The following B3GALT1 variants were observed in gnomAD, a reference collection of about 807,000 sequenced individuals.
The protein encoded by B3GALT1 is beta-1,3-galactosyltransferase 1.
A neutral mutation model predicts 23.2 loss-of-function variants in B3GALT1; 10 were observed. The ratio of observed to expected loss-of-function variants is 0.43; its 90% CI spans 0.27 to 0.73. The LOEUF is 0.73. Ranked by LOEUF, B3GALT1 falls within the 30% of genes least tolerant of loss-of-function variation. The probability of loss-of-function intolerance (pLI) is 0.21; values close to 1 mark genes in which losing one functional copy is unlikely to be tolerated. For synonymous variants in B3GALT1, 156 were observed against 141.5 expected (o/e 1.10, Z -0.73); for missense variants, 299 against 405.4 (o/e 0.74, Z 2.25).
intron 1 of B3GALT1, among the ~76,000 whole-genome samples, chr2:167,488,363 A>C (rs1447378869): frequency 6.6e-6 from 1 of 152,204 alleles, no homozygotes; most frequent in Admixed American, 6.5e-5. Context: ...AACAGACTCT[A>C]ATGTCTGTGA....
chr2:167,762,079 ATATG>A (rs1376113386), intron 3 of B3GALT1, among the ~76,000 whole-genome samples: 2 of 152,216 alleles, frequency 1.3e-5, no homozygotes, highest in Non-Finnish European at 2.9e-5. Flanking sequence ...ATTAAAAAAT[ATATG>A]TAGATAGGGA....
intron 4 of B3GALT1, among the ~76,000 whole-genome samples, chr2:167,838,563 A>C (rs1689548433): frequency 6.6e-6 from 1 of 152,288 alleles, no homozygotes; most frequent in Admixed American, 6.5e-5. Flanking sequence ...AGAGTCCAGG[A>C]CCAGAAGGAT....
intron 2 of B3GALT1, among the ~76,000 whole-genome samples, chr2:167,522,228 C>G (rs572066138): frequency 1.3e-5 from 2 of 151,882 alleles, no homozygotes; most frequent in East Asian, 3.9e-4. Context: ...ATTACTCAGC[C>G]TACTGGAGGC....
chr2:167,556,355 AT>A (rs1683851734), intron 2 of B3GALT1, among the ~76,000 whole-genome samples: 1 of 152,150 alleles, frequency 6.6e-6, no homozygotes, highest in African/African-American at 2.4e-5. Flanking sequence ...CAATACTTTA[AT>A]GTAGAAAATC....
intron 4 of B3GALT1, among the ~76,000 whole-genome samples, chr2:167,857,489 T>G (rs1690020226): frequency 6.6e-6 from 1 of 151,814 alleles, no homozygotes; most frequent in Non-Finnish European, 1.5e-5. Flanking sequence ...AAAAGGAAAT[T>G]GTAAAAGAGG....
intron 1 of B3GALT1, among the ~76,000 whole-genome samples, chr2:167,306,577 T>C (rs1214683401): frequency 6.6e-6 from 1 of 152,058 alleles, no homozygotes; most frequent in Non-Finnish European, 1.5e-5. Context: ...TATTTCTCAC[T>C]ATTCAGTAGT....
At chr2:167,476,326 T>C (rs1699485967) in intron 1 of B3GALT1, among the ~76,000 whole-genome samples, 1 of 152,238 alleles carries the variant, frequency 6.6e-6, no homozygotes. Flanking sequence ...GCTAAAAGTA[T>C]TGAGCATTTG....
chr2:167,501,135 C>A (rs938970183), intron 2 of B3GALT1, among the ~76,000 whole-genome samples: 1 of 151,820 alleles, frequency 6.6e-6, no homozygotes, highest in African/African-American at 2.4e-5. Flanking sequence ...TTTAACTAAC[C>A]GTATAAGATG....
intron 3 of B3GALT1, among the ~76,000 whole-genome samples, chr2:167,705,610 C>T (rs751437874): frequency 5.3e-5 from 8 of 152,180 alleles, no homozygotes; most frequent in Non-Finnish European, 8.8e-5. Context: ...TCCAGTTAAA[C>T]TCTTCATGCC....
chr2:167,658,655 C>T (rs1685999312), intron 3 of B3GALT1, among the ~76,000 whole-genome samples: 1 of 152,028 alleles, frequency 6.6e-6, no homozygotes, highest in African/African-American at 2.4e-5. Context: ...TTTACCAACA[C>T]ATTAATGGAA....
At chr2:167,381,144 T>G (rs1697842038) in intron 1 of B3GALT1, among the ~76,000 whole-genome samples, 1 of 152,178 alleles carries the variant, frequency 6.6e-6, no homozygotes, top group Admixed American at 6.5e-5. Context: ...CATGGCTCAC[T>G]GCAGCCTCAA....
At chr2:167,333,757 A>G (rs1007259481) in intron 1 of B3GALT1, among the ~76,000 whole-genome samples, 4 of 152,210 alleles carry the variant, frequency 2.6e-5, no homozygotes, top group Non-Finnish European at 4.4e-5. Flanking sequence ...AAAGCAATGC[A>G]TTTAGGTTAT....
At chr2:167,794,218 T>C (rs1016145600) in intron 3 of B3GALT1, among the ~76,000 whole-genome samples, 1 of 152,200 alleles carries the variant, frequency 6.6e-6, no homozygotes, top group African/African-American at 2.4e-5. Context: ...TTAACACTAG[T>C]CTGATTCAAT....
chr2:167,559,225 T>C (rs1399965160), intron 2 of B3GALT1, among the ~76,000 whole-genome samples: 1 of 151,992 alleles, frequency 6.6e-6, no homozygotes, highest in African/African-American at 2.4e-5. Context: ...TCTAGCAAAC[T>C]CCAACAGACC....
chr2:167,378,869 T>C (rs909660895), intron 1 of B3GALT1, among the ~76,000 whole-genome samples: 1 of 152,180 alleles, frequency 6.6e-6, no homozygotes, highest in African/African-American at 2.4e-5. Context: ...GTGCGATCCC[T>C]TGGTGGTGCC....
At chr2:167,786,922 T>TTTTG (rs960155496) in intron 3 of B3GALT1, among the ~76,000 whole-genome samples, 2 of 152,096 alleles carry the variant, frequency 1.3e-5, no homozygotes, top group South Asian at 2.1e-4. Context: ...AGTGGTGTGT[T>TTTTG]TTTGTTTGTT....
chr2:167,325,702 C>CTT (rs61066636), intron 1 of B3GALT1, among the ~76,000 whole-genome samples: 9 of 110,568 alleles, frequency 8.1e-5, no homozygotes, highest in African/African-American at 3.0e-4. Flanking sequence ...ACCCTGTTTT[C>CTT]TTTTTTTTTT....
At chr2:167,557,996 G>C (rs1051201050) in intron 2 of B3GALT1, 5 of 152,188 alleles carry the variant, frequency 3.3e-5, no homozygotes, top group African/African-American at 1.2e-4. Context: ...TATGTTTATT[G>C]TTTCCTGCTT....
At position 167,735,834 on chromosome 2, in the gene B3GALT1, C is replaced by A. The variant is rs568475672; in HGVS notation, c.-351-82838C>A. Among the ~76,000 whole-genome samples, 5 of 152,216 alleles carry A rather than the reference C, an allele frequency of 3.3e-5. No homozygotes were observed. The South Asian group carries it at 1.0e-3, about 32-fold the overall frequency. ...ATAGAGGAGCAAGGTGATTGAGTAA[C>A]TTGCCAATGGTCACCTAGTAAGTGG... On this transcript the variant is annotated intron_variant, in intron 3 of 4. Coordinates refer to ENST00000392690, the MANE Select transcript of B3GALT1 (RefSeq NM_020981.4).
Sources: allele counts gnomAD v4.1 joint callset (sites outside exome capture counted in the v4.1 genomes callset), GRCh38; gene constraint gnomAD v4.1.1; transcripts MANE v1.5; gene names NCBI Gene and HGNC (gene_info 2026-07-23, HGNC 2026-07-21).